Variants in KCNQ3 observed in about 807,000 individuals in gnomAD.
KCNQ3 encodes the protein potassium voltage-gated channel subfamily KQT member 3.
In KCNQ3, 30 loss-of-function variants were observed where a neutral mutation model predicts 92.5. The observed-to-expected ratio is 0.32, with a 90% CI of 0.24 to 0.44. The LOEUF (loss-of-function observed/expected upper bound fraction) is 0.44, where lower values mean the gene tolerates loss of function less well. KCNQ3 is among the 20% of genes least tolerant of loss of function. The pLI is 1.00. For missense variants in KCNQ3, 913 were observed against 1,140.3 expected (o/e 0.80, Z 2.87); for synonymous variants, 450 against 468.8 (o/e 0.96, Z 0.52).
At chr8:132,228,388 AGAGT>A (rs1333687474) in intron 1 of KCNQ3, among the ~76,000 whole-genome samples, 1 of 152,136 alleles carries the variant, frequency 6.6e-6, no homozygotes, top group Non-Finnish European at 1.5e-5. Context: ...AGAGAGAGAG[AGAGT>A]GTGTCCCTTC....
rs1050590044 is a variant in KCNQ3, at chr8:132,245,328, T to C, written c.387-59147A>G. Among the ~76,000 whole-genome samples, 5 of 152,206 alleles carry C rather than the reference T, an allele frequency of 3.3e-5. No homozygotes were observed. The East Asian group carries it at 9.6e-4, about 29-fold the overall frequency. On this transcript the variant is annotated intron_variant, in intron 1 of 14. Coordinates refer to ENST00000388996, the MANE Select transcript of KCNQ3 (RefSeq NM_004519.4). ...CAGTTTCTTCCTATTTGTAGGCCTG[T>C]TGTTCAGTGTCATCATTCTGCAAAA...
chr8:132,396,519 G>A (rs1390859003), intron 1 of KCNQ3, among the ~76,000 whole-genome samples: 1 of 151,358 alleles, frequency 6.6e-6, no homozygotes, highest in Non-Finnish European at 1.5e-5. Context: ...TTTCAAATTT[G>A]GTCTCAGATT....
intron 4 of KCNQ3, among the ~76,000 whole-genome samples, chr8:132,177,536 C>T (rs1051060523): frequency 2.0e-5 from 3 of 152,144 alleles, no homozygotes; most frequent in Non-Finnish European, 4.4e-5. Context: ...CCTCATAATT[C>T]AAGACGAAAG....
intron 1 of KCNQ3, among the ~76,000 whole-genome samples, chr8:132,468,324 A>T (rs907285804): frequency 7.2e-5 from 11 of 152,348 alleles, no homozygotes; most frequent in African/African-American, 2.6e-4. Context: ...GGCCTGGGCT[A>T]GATGAGTATA....
intron 1 of KCNQ3, among the ~76,000 whole-genome samples, chr8:132,194,377 AC>A (rs1827247102): frequency 6.6e-6 from 1 of 152,172 alleles, no homozygotes; most frequent in Non-Finnish European, 1.5e-5. Context: ...ATGTTAAAGC[AC>A]CCACTGTGTG....
At chr8:132,299,158 G>A (rs1817138629) in intron 1 of KCNQ3, among the ~76,000 whole-genome samples, 1 of 128,296 alleles carries the variant, frequency 7.8e-6, no homozygotes, top group East Asian at 2.2e-4. Context: ...TGAGCACATA[G>A]TACATATATA....
chr8:132,333,802 C>A (rs542036652), intron 1 of KCNQ3, among the ~76,000 whole-genome samples: 27 of 150,596 alleles, frequency 1.8e-4, no homozygotes, highest in African/African-American at 6.6e-4. Flanking sequence ...GGTGTGATTT[C>A]GGCTCACTGC....
rs192040719 is a variant in KCNQ3 at position 132,422,455 on chromosome 8, A to C, written c.386+57692T>G. On this transcript the variant is annotated intron_variant, in intron 1 of 14. Coordinates refer to ENST00000388996, the MANE Select transcript of KCNQ3 (RefSeq NM_004519.4). ...CATTATATTTAAATCTAAACTCTCTATCCTGCAGGTGTGCCTCTGCAAACC... is the reference window on the plus strand; with the variant it reads ...CATTATATTTAAATCTAAACTCTCTCTCCTGCAGGTGTGCCTCTGCAAACC... Among the ~76,000 whole-genome samples the C allele has an allele frequency of 3.2e-4, 48 of 152,232 alleles. No individual in the cohort carries two copies. In the East Asian group the frequency reaches 9.3e-3, roughly 29 times the overall value.
intron 1 of KCNQ3, among the ~76,000 whole-genome samples, chr8:132,422,479 C>A (rs867992830): frequency 4.6e-5 from 7 of 152,212 alleles, no homozygotes; most frequent in African/African-American, 1.4e-4. Flanking sequence ...CCTCTGCAAA[C>A]CCACCTGCTA....
intron 1 of KCNQ3, among the ~76,000 whole-genome samples, chr8:132,276,332 TGTAAGTAATGCAGG>T: frequency 6.6e-6 from 1 of 151,926 alleles, no homozygotes; most frequent in South Asian, 2.1e-4. Flanking sequence ...GGTGCTGAGG[TGTAAGTAATGCAGG>T]AGAATTGCAG....
intron 1 of KCNQ3, among the ~76,000 whole-genome samples, chr8:132,218,749 C>CAATTTAA (rs1369114338): frequency 1.6e-4 from 24 of 152,054 alleles, no homozygotes; most frequent in Admixed American, 1.0e-3. Context: ...TGGAAATAGT[C>CAATTTAA]AATTTAAAAG....
chr8:132,259,633 G>A (rs1815706986), intron 1 of KCNQ3, among the ~76,000 whole-genome samples: 1 of 151,984 alleles, frequency 6.6e-6, no homozygotes, highest in East Asian at 1.9e-4. Context: ...ATTCGACTTT[G>A]GACTAGAAGT....
chr8:132,134,722 C>T (rs1173386697), intron 12 of KCNQ3, among the ~76,000 whole-genome samples: 1 of 151,560 alleles, frequency 6.6e-6, no homozygotes, highest in Non-Finnish European at 1.5e-5. Context: ...AGACAAACCA[C>T]TGAGAGAGGT....
intron 1 of KCNQ3, among the ~76,000 whole-genome samples, chr8:132,338,751 A>G (rs1563867109): frequency 1.3e-5 from 2 of 152,214 alleles, no homozygotes; most frequent in Admixed American, 6.5e-5. Context: ...CACAGAAAAA[A>G]TTAAGCTGCT....
intron 1 of KCNQ3, among the ~76,000 whole-genome samples, chr8:132,335,051 C>A (rs957116408): frequency 2.0e-5 from 3 of 148,114 alleles, no homozygotes; most frequent in Non-Finnish European, 4.5e-5. Flanking sequence ...TTTCTTTTTT[C>A]TTCTTTTTTT....
At chr8:132,243,287 A>T (rs1452705230) in intron 1 of KCNQ3, among the ~76,000 whole-genome samples, 1 of 152,206 alleles carries the variant, frequency 6.6e-6, no homozygotes. Flanking sequence ...GGATTCCCAC[A>T]TGTGAGATCT....
chr8:132,305,889 GTTTGT>G (rs60363191), intron 1 of KCNQ3, among the ~76,000 whole-genome samples: 21 of 150,244 alleles, frequency 1.4e-4, no homozygotes, highest in African/African-American at 2.2e-4. Context: ...GTTTGTTTTT[GTTTGT>G]TTTGTTTTGT....
chr8:132,417,681 T>TCCA (rs1219517443), intron 1 of KCNQ3, among the ~76,000 whole-genome samples: 9 of 98,132 alleles, frequency 9.2e-5, no homozygotes, highest in East Asian at 6.9e-4. Context: ...CATCCATCCA[T>TCCA]TCATTCATTC....
At chr8:132,210,106 C>T (rs1276758514) in intron 1 of KCNQ3, among the ~76,000 whole-genome samples, 1 of 152,206 alleles carries the variant, frequency 6.6e-6, no homozygotes, top group Non-Finnish European at 1.5e-5. Flanking sequence ...ACCTGTGCAC[C>T]TTAAGAAACC....
Sources: allele counts gnomAD v4.1 joint callset (sites outside exome capture counted in the v4.1 genomes callset), GRCh38; gene constraint gnomAD v4.1.1; transcripts MANE v1.5; gene names NCBI Gene and HGNC (gene_info 2026-07-23, HGNC 2026-07-21).